Variants in BLTP2 observed in about 807,000 individuals in gnomAD.
The protein encoded by BLTP2 is bridge-like lipid transfer protein family member 2, also known as U937-associated antigen.
At chr17:28,634,670 G>A in the BLTP2 span, 4 of 1,614,230 alleles carry the variant, frequency 2.5e-6, no homozygotes, top group Non-Finnish European at 3.4e-6. Context: ...AGAGCTACCA[G>A]TTCTAGCCCT....
chr17:28,619,287 A>C, the BLTP2 span, among the ~76,000 whole-genome samples: 2 of 152,126 alleles, frequency 1.3e-5, no homozygotes, highest in African/African-American at 4.8e-5. Flanking sequence ...TCATTAAAAA[A>C]AAAAAGATAT....
At chr17:28,619,585 C>T in the BLTP2 span, 7 of 1,598,660 alleles carry the variant, frequency 4.4e-6, no homozygotes, top group Admixed American at 6.7e-5. Context: ...ACAGTCAAAA[C>T]ATGGGCAAGA....
chr17:28,637,761 T>C, the BLTP2 span: 1 of 1,481,274 alleles, frequency 6.8e-7, no homozygotes, highest in East Asian at 2.3e-5. Context: ...AAACTCTGCC[T>C]CCTGGGTTGA....
chr17:28,635,945 G>A, the BLTP2 span: 1 of 198,644 alleles, frequency 5.0e-6, no homozygotes, highest in African/African-American at 2.3e-5. Flanking sequence ...AAATCATCTG[G>A]CTTCATGTTT....
the BLTP2 span, chr17:28,632,362 C>T: frequency 1.4e-6 from 1 of 713,662 alleles, no homozygotes; most frequent in Non-Finnish European, 2.3e-6. Context: ...CCTAGCCTCA[C>T]ATTCAGCATC....
the BLTP2 span, chr17:28,635,175 G>A: frequency 1.2e-6 from 2 of 1,613,938 alleles, no homozygotes; most frequent in East Asian, 2.2e-5. Flanking sequence ...CAGGGAAGGG[G>A]TTCCGGTGGA....
the BLTP2 span, among the ~76,000 whole-genome samples, chr17:28,641,079 G>C: frequency 6.6e-6 from 1 of 152,178 alleles, no homozygotes; most frequent in Non-Finnish European, 1.5e-5. Flanking sequence ...TATCCTTGGA[G>C]CTTTGGTTCC....
the BLTP2 span, chr17:28,643,027 A>G: frequency 9.2e-6 from 14 of 1,518,878 alleles, no homozygotes; most frequent in African/African-American, 1.9e-4. Flanking sequence ...ATTAATGTTA[A>G]GGAACTGCCC....
At chr17:28,637,847 G>A in the BLTP2 span, 8 of 1,613,800 alleles carry the variant, frequency 5.0e-6, no homozygotes, top group Admixed American at 8.3e-5. Flanking sequence ...AACCAAGGCA[G>A]AAAGGGTAAA....
the BLTP2 span, chr17:28,644,209 T>C: frequency 6.2e-7 from 1 of 1,610,544 alleles, no homozygotes. Flanking sequence ...TTCCTGTTAA[T>C]TCATAGGACC....
chr17:28,643,596 T>C, the BLTP2 span: 13 of 1,610,854 alleles, frequency 8.1e-6, no homozygotes, highest in African/African-American at 6.7e-5. Context: ...GAAGTGAGAA[T>C]ATAGGGTACT....
the BLTP2 span, chr17:28,634,649 A>G: frequency 2.5e-6 from 4 of 1,614,228 alleles, no homozygotes; most frequent in Admixed American, 6.7e-5. Flanking sequence ...CCATGGAAGG[A>G]GGCATCTGCC....
At chr17:28,616,232 T>C in the BLTP2 span, 3 of 1,603,378 alleles carry the variant, frequency 1.9e-6, no homozygotes, top group Non-Finnish European at 2.6e-6. The surrounding 1 kb of genome is among the most constrained non-coding windows in gnomAD (Gnocchi z 4.8). Flanking sequence ...GAGCCCTGAA[T>C]CCATCAGAAG....
chr17:28,628,681 TC>T, the BLTP2 span: 1 of 810,978 alleles, frequency 1.2e-6, no homozygotes, highest in Non-Finnish European at 1.9e-6. Flanking sequence ...ATGCCCGTAA[TC>T]CCAGCACTTT....
chr17:28,643,475 C>G, the BLTP2 span: 3 of 1,313,648 alleles, frequency 2.3e-6, no homozygotes, highest in African/African-American at 2.9e-5. Context: ...CAATGGCACC[C>G]AGGCTAACAG....
the BLTP2 span, chr17:28,631,905 G>A: frequency 2.2e-5 from 35 of 1,614,112 alleles, no homozygotes; most frequent in Non-Finnish European, 3.0e-5. Context: ...GGGCAAATGA[G>A]GCCCAATAAT....
At chr17:28,623,076 AAAAC>A in the BLTP2 span, among the ~76,000 whole-genome samples, 3 of 152,186 alleles carry the variant, frequency 2.0e-5, no homozygotes, top group Non-Finnish European at 4.4e-5. Context: ...TCTGTCTCAA[AAAAC>A]AAACAAACAA....
At chr17:28,625,042 T>C in the BLTP2 span, among the ~76,000 whole-genome samples, 1 of 152,138 alleles carries the variant, frequency 6.6e-6, no homozygotes, top group Non-Finnish European at 1.5e-5. Flanking sequence ...GAGATTGCTA[T>C]GAAAGTTTAA....
At chr17:28,614,826 T>C in the BLTP2 span, 8 of 404,974 alleles carry the variant, frequency 2.0e-5, no homozygotes, top group Admixed American at 2.0e-4. Context: ...CCTGGGCCCA[T>C]TCCCTGGGTC....
Sources: gnomAD v4.1 joint callset for allele counts (sites outside exome capture counted in the v4.1 genomes callset) on GRCh38, gnomAD v4.1.1 for gene constraint, Gnocchi (gnomAD v3.1) non-coding constraint, MANE v1.5 for transcripts, NCBI Gene and HGNC (gene_info 2026-07-23, HGNC 2026-07-21) for gene names.